CSGALNACT1: variants seen among roughly 807,000 people sequenced by gnomAD.
CSGALNACT1 encodes beta4GalNAcT-1.
A neutral mutation model predicts 51.0 loss-of-function variants in CSGALNACT1; 52 were observed. The ratio of observed to expected loss-of-function variants is 1.02; its 90% CI spans 0.82 to 1.29. The LOEUF (loss-of-function observed/expected upper bound fraction) is 1.29, where lower values mean the gene tolerates loss of function less well. Among genes scored for constraint, CSGALNACT1 ranks in the 50% most tolerant of loss-of-function variants. CSGALNACT1 has a pLI of 0.00. For synonymous variants in CSGALNACT1, 341 were observed against 254.4 expected, an observed-to-expected ratio of 1.34 and a Z score of -3.24; for missense variants, 935 against 679.2, an observed-to-expected ratio of 1.38 and a Z score of -4.19.
chr8:19,648,479 C>A (rs369334020), intron 1 of CSGALNACT1, among the ~76,000 whole-genome samples: 26 of 152,260 alleles, frequency 1.7e-4, no homozygotes, highest in Non-Finnish European at 3.1e-4. Context: ...ATGTACACAT[C>A]GATTTCACCA....
chr8:19,539,009 G>A (rs1045051393), intron 3 of CSGALNACT1, among the ~76,000 whole-genome samples: 1 of 152,116 alleles, frequency 6.6e-6, no homozygotes, highest in Non-Finnish European at 1.5e-5. Flanking sequence ...GGGCATACAG[G>A]AGAAACTACA....
At chr8:19,476,709 T>C (rs890377762) in intron 4 of CSGALNACT1, among the ~76,000 whole-genome samples, 7 of 152,178 alleles carry the variant, frequency 4.6e-5, no homozygotes, top group Admixed American at 2.6e-4. Flanking sequence ...CAGACTTCTA[T>C]GTAAGAAGTG....
At chr8:19,637,247 G>T (rs1160646036) in intron 1 of CSGALNACT1, among the ~76,000 whole-genome samples, 2 of 152,052 alleles carry the variant, frequency 1.3e-5, no homozygotes, top group African/African-American at 2.4e-5. Context: ...AAATTGCTCT[G>T]CTTCAAGAGA....
At chr8:19,667,544 AG>A (rs1383040412) in intron 1 of CSGALNACT1, among the ~76,000 whole-genome samples, 6 of 152,194 alleles carry the variant, frequency 3.9e-5, no homozygotes, top group Admixed American at 1.3e-4. Context: ...CTGCAATGAG[AG>A]AGTCAGTCGT....
In CSGALNACT1 at chr8:19,567,229, T is replaced by A. The variant is rs2042075265; in HGVS notation, c.-297+23931A>T. 3.3e-5 allele frequency among the ~76,000 whole-genome samples: 5 copies of A among 152,278 alleles called. No homozygotes were observed. The East Asian group carries it at 9.6e-4, about 29-fold the overall frequency. On this transcript the variant is annotated intron_variant, in intron 3 of 9. Transcript: ENST00000454498. ...GAGCTGATCATGAGCCAGTACTTGC[T>A]CAGAACCACATGTACACCAGTACAA...
At chr8:19,420,122 A>C (rs1295667748) in intron 7 of CSGALNACT1, among the ~76,000 whole-genome samples, 1 of 152,218 alleles carries the variant, frequency 6.6e-6, no homozygotes, top group African/African-American at 2.4e-5. Context: ...CTATGAGTCC[A>C]TTAAACCTCT....
At chr8:19,513,455 T>TATATAC (rs1554650253) in intron 3 of CSGALNACT1, among the ~76,000 whole-genome samples, 164 of 141,860 alleles carry the variant, frequency 1.2e-3, no homozygotes, top group African/African-American at 4.3e-3. Context: ...TATATATATA[T>TATATAC]ATATATATTT....
intron 5 of CSGALNACT1, chr8:19,457,631 A>C (rs1250736312): frequency 7.9e-7 from 1 of 1,268,726 alleles, no homozygotes; most frequent in African/African-American, 1.5e-5. Context: ...AGAAATAAAA[A>C]ATCAGCTTGA....
At chr8:19,501,458 T>G (rs1282973223) in intron 4 of CSGALNACT1, among the ~76,000 whole-genome samples, 1 of 152,120 alleles carries the variant, frequency 6.6e-6, no homozygotes, top group African/African-American at 2.4e-5. Context: ...CCTCAAAGCC[T>G]TCACTTTTCT....
intron 5 of CSGALNACT1, among the ~76,000 whole-genome samples, chr8:19,444,501 G>A (rs1286327445): frequency 2.0e-5 from 3 of 152,078 alleles, no homozygotes; most frequent in Non-Finnish European, 2.9e-5. Context: ...AGGTTCTACT[G>A]GTAGGATATT....
At chr8:19,541,195 T>G (rs1173516572) in intron 3 of CSGALNACT1, among the ~76,000 whole-genome samples, 1 of 151,478 alleles carries the variant, frequency 6.6e-6, no homozygotes, top group African/African-American at 2.4e-5. Context: ...AACTCTAGCC[T>G]CAGCCTCCCA....
chr8:19,640,490 C>T (rs1480580914), intron 1 of CSGALNACT1, among the ~76,000 whole-genome samples: 1 of 152,176 alleles, frequency 6.6e-6, no homozygotes, highest in South Asian at 2.1e-4. Flanking sequence ...GTCCCAAACA[C>T]AGCCATATTT....
At chr8:19,602,899 G>T (rs892806435), upstream of CSGALNACT1, 1 of 151,962 alleles carries the variant, frequency 6.6e-6, no homozygotes, top group African/African-American at 2.4e-5. Context: ...TTCCCGAGTT[G>T]TCAGGATTTT....
At chr8:19,416,409 G>A (rs577841608) in intron 8 of CSGALNACT1, among the ~76,000 whole-genome samples, 3 of 152,044 alleles carry the variant, frequency 2.0e-5, no homozygotes, top group Admixed American at 6.5e-5. Context: ...CACCACACCC[G>A]GCCAAGGAAA....
chr8:19,502,677 T>G (rs2076623162), intron 4 of CSGALNACT1, among the ~76,000 whole-genome samples: 1 of 152,188 alleles, frequency 6.6e-6, no homozygotes, highest in South Asian at 2.1e-4. Flanking sequence ...ACTCTAAGGT[T>G]AGGAACCCAA....
chr8:19,636,719 T>C (rs549178147), intron 1 of CSGALNACT1, among the ~76,000 whole-genome samples: 22 of 152,284 alleles, frequency 1.4e-4, no homozygotes, highest in African/African-American at 5.1e-4. Context: ...CCTTCTAGAA[T>C]TCCCTATTCA....
At chr8:19,598,154 G>C (rs1472876877) in intron 2 of CSGALNACT1, among the ~76,000 whole-genome samples, 2 of 152,328 alleles carry the variant, frequency 1.3e-5, no homozygotes, top group Middle Eastern at 3.4e-3. Context: ...TCAATGAAAA[G>C]GGAATCCCAA....
intron 1 of CSGALNACT1, among the ~76,000 whole-genome samples, chr8:19,713,599 A>T (rs1252734174): frequency 1.3e-5 from 2 of 152,176 alleles, no homozygotes; most frequent in Non-Finnish European, 2.9e-5. Flanking sequence ...ACAGAGACAC[A>T]CACAGAATGT....
At chr8:19,585,860 C>T (rs2046516745) in intron 3 of CSGALNACT1, among the ~76,000 whole-genome samples, 1 of 152,170 alleles carries the variant, frequency 6.6e-6, no homozygotes, top group South Asian at 2.1e-4. Context: ...CAGGAAACCC[C>T]TTCAACAGTG....
Sources: gnomAD v4.1 joint callset for allele counts (sites outside exome capture counted in the v4.1 genomes callset) on GRCh38, gnomAD v4.1.1 for gene constraint, MANE v1.5 for transcripts, NCBI Gene and HGNC (gene_info 2026-07-23, HGNC 2026-07-21) for gene names.